Variants in CTNNA3 observed in about 807,000 individuals in gnomAD.
The protein encoded by CTNNA3 is catenin alpha-3.
CTNNA3 carries 76 observed loss-of-function variants against 95.7 expected under a neutral mutation model. The ratio of observed to expected loss-of-function variants is 0.79; its 90% CI spans 0.66 to 0.96. The LOEUF (loss-of-function observed/expected upper bound fraction) is 0.96, where lower values mean the gene tolerates loss of function less well. Among genes scored for constraint, CTNNA3 ranks in the 40% least tolerant of loss-of-function variants. CTNNA3 has a pLI of 0.00. For missense variants in CTNNA3, 1,191 were observed against 1,089.8 expected (o/e 1.09, Z -1.31); for synonymous variants, 431 against 374.4 (o/e 1.15, Z -1.74).
In CTNNA3 at chr10:67,649,185, A is replaced by T. The variant is rs536346777; in HGVS notation, c.-5-1667T>A. On this transcript the variant is annotated intron_variant, in intron 1 of 17. Transcript: ENST00000433211. ...ATTTCTGCCATTGCTTTGTTCTTTCATCTGAAGGACAAAAGTAGAGGAGAC... is the reference window on the plus strand; with the variant it reads ...ATTTCTGCCATTGCTTTGTTCTTTCTTCTGAAGGACAAAAGTAGAGGAGAC... 1.0e-3 allele frequency among the ~76,000 whole-genome samples: 155 copies of T among 152,336 alleles called. 2 individuals carry two copies. The highest frequency in any genetic ancestry group is 3.6e-3 in the African/African-American group (149 of 41,592).
chr10:67,143,163 G>A (rs1056390212), intron 7 of CTNNA3, among the ~76,000 whole-genome samples: 2 of 151,880 alleles, frequency 1.3e-5, no homozygotes, highest in Admixed American at 6.6e-5. Context: ...TGGGCCAGGC[G>A]CGGTGGCTCA....
intron 5 of CTNNA3, among the ~76,000 whole-genome samples, chr10:67,506,313 T>C (rs569592946): frequency 8.5e-4 from 129 of 152,304 alleles, no homozygotes; most frequent in African/African-American, 3.0e-3. Flanking sequence ...TGTATTTCAG[T>C]GTAAGTGTTT....
At chr10:65,969,620 A>T (rs566683564) in intron 16 of CTNNA3, among the ~76,000 whole-genome samples, 2 of 152,326 alleles carry the variant, frequency 1.3e-5, no homozygotes, top group East Asian at 3.9e-4. Flanking sequence ...TTTAATTTCA[A>T]AACACAACTG....
intron 13 of CTNNA3, among the ~76,000 whole-genome samples, chr10:66,177,631 A>G: frequency 6.6e-6 from 1 of 152,154 alleles, no homozygotes; most frequent in Non-Finnish European, 1.5e-5. Flanking sequence ...CTAATTACAA[A>G]CAGTAGCAGT....
At chr10:67,641,793 TG>T (rs1839543616) in intron 2 of CTNNA3, among the ~76,000 whole-genome samples, 1 of 151,892 alleles carries the variant, frequency 6.6e-6, no homozygotes, top group South Asian at 2.1e-4. Flanking sequence ...CACTCATAGG[TG>T]GGAATTGAAC....
intron 5 of CTNNA3, among the ~76,000 whole-genome samples, chr10:67,224,735 G>C (rs1864815048): frequency 6.6e-6 from 1 of 152,184 alleles, no homozygotes; most frequent in South Asian, 2.1e-4. Context: ...TCCCCAGTCA[G>C]GCCATTCCTG....
chr10:67,476,609 C>A (rs1848024750), intron 5 of CTNNA3, among the ~76,000 whole-genome samples: 2 of 151,962 alleles, frequency 1.3e-5, no homozygotes, highest in African/African-American at 4.8e-5. Flanking sequence ...GCTGCCCCAC[C>A]CTTCCTGCAA....
chr10:67,160,476 C>G (rs1467174230), intron 7 of CTNNA3, among the ~76,000 whole-genome samples: 1 of 142,432 alleles, frequency 7.0e-6, no homozygotes, highest in African/African-American at 2.6e-5. Flanking sequence ...CTTGCTCTGT[C>G]CCCCGGGCTG....
At position 67,125,484 on chromosome 10, in the gene CTNNA3, C is replaced by G. The variant is rs562303491; in HGVS notation, c.1047+54833G>C. 2.6e-5 allele frequency among the ~76,000 whole-genome samples: 4 copies of G among 152,162 alleles called. No individual in the cohort carries two copies. The South Asian group carries it at 8.3e-4, about 32-fold the overall frequency. On this transcript the variant is annotated intron_variant, in intron 7 of 17. Transcript: ENST00000433211. ...GTGCCCCTAAAGCCTAAAAGTGTAT[C>G]CTAGAATAAATTTATACCATTCCTC...
At chr10:67,381,949 T>A (rs1385420187) in intron 5 of CTNNA3, among the ~76,000 whole-genome samples, 1 of 152,188 alleles carries the variant, frequency 6.6e-6, no homozygotes, top group Admixed American at 6.5e-5. Context: ...TACTTACATG[T>A]ACATTGGAAG....
intron 11 of CTNNA3, among the ~76,000 whole-genome samples, chr10:66,402,244 A>AT (rs1458138105): frequency 6.6e-6 from 1 of 152,152 alleles, no homozygotes; most frequent in African/African-American, 2.4e-5. Flanking sequence ...AATTAGTTGC[A>AT]TTTTTTATTA....
intron 1 of CTNNA3, among the ~76,000 whole-genome samples, chr10:67,719,238 T>TA (rs966561349): frequency 6.6e-4 from 100 of 151,170 alleles, no homozygotes; most frequent in Admixed American, 1.7e-3. Context: ...TGTTAATCTT[T>TA]AAAAAAAAAC....
At chr10:67,557,807 T>C (rs1425715582) in intron 3 of CTNNA3, among the ~76,000 whole-genome samples, 1 of 152,204 alleles carries the variant, frequency 6.6e-6, no homozygotes, top group Non-Finnish European at 1.5e-5. Flanking sequence ...AATGCCACCA[T>C]AGCTCTATTT....
rs1387654842 is a variant in CTNNA3, at chr10:66,360,769, TTTTC to T, written c.1732+18379_1732+18382del. On this transcript the variant is annotated intron_variant, in intron 12 of 17. Coordinates refer to ENST00000433211, the MANE Select transcript of CTNNA3 (RefSeq NM_013266.4). The stretch of plus-strand genomic sequence containing the variant: ...CTTCCTTCCTTCCTTCCTTCCTTCC[TTTTC>T]TTTCTTTCTTTCTTCCTTCCTTCCT... Among the ~76,000 whole-genome samples the T allele has an allele frequency of 3.1e-4, 21 of 67,876 alleles. 3 individuals are homozygous for T. The highest frequency in any genetic ancestry group is 5.5e-4 in the Non-Finnish European group (19 of 34,798). 44.5% of individuals were successfully genotyped at this position (67,876 alleles called of 152,430 possible). A position where few individuals can be genotyped will look rare whatever the true frequency, so the allele number is the denominator to read the frequency against.
At chr10:67,253,923 G>A (rs1475323580) in intron 5 of CTNNA3, among the ~76,000 whole-genome samples, 1 of 152,078 alleles carries the variant, frequency 6.6e-6, no homozygotes, top group Non-Finnish European at 1.5e-5. Flanking sequence ...AGTATACCAG[G>A]AATGAACTAC....
intron 5 of CTNNA3, among the ~76,000 whole-genome samples, chr10:67,466,550 T>G (rs1847602243): frequency 6.6e-6 from 1 of 152,164 alleles, no homozygotes; most frequent in African/African-American, 2.4e-5. Flanking sequence ...CTAGGAAGAA[T>G]TTCAGTGTTG....
chr10:67,116,507 G>C (rs1344115769), intron 7 of CTNNA3, among the ~76,000 whole-genome samples: 2 of 151,716 alleles, frequency 1.3e-5, no homozygotes, highest in African/African-American at 2.4e-5. Context: ...TTGTAGAAGG[G>C]CCCTTCTCAT....
rs2076991658 is a variant in CTNNA3, at chr10:65,915,238, A to G, written c.*5092T>C. The G allele has an allele frequency of 1.3e-5, 2 of 152,172 alleles. No individual in the cohort carries two copies. Among genetic ancestry groups the G allele is most frequent in the Admixed American group, 1.3e-4 (2 of 15,276 alleles). The allele number at this position is 152,172 out of a possible 1,614,324, so 9.4% of individuals were successfully genotyped here. On this transcript the variant is annotated 3_prime_UTR_variant, in exon 18 of 18. Coordinates refer to ENST00000433211, the MANE Select transcript of CTNNA3 (RefSeq NM_013266.4). ...AGAATGGCTGAATTTCTGTTTCTCA[A>G]CTTGCAAACAATATTACTAAATCAT...
intron 7 of CTNNA3, among the ~76,000 whole-genome samples, chr10:67,142,659 C>G (rs920637645): frequency 6.6e-6 from 1 of 152,146 alleles, no homozygotes; most frequent in Non-Finnish European, 1.5e-5. Context: ...AAAGGCTGGG[C>G]GCAGTGGCTC....
Sources: allele counts gnomAD v4.1 joint callset (sites outside exome capture counted in the v4.1 genomes callset), GRCh38; gene constraint gnomAD v4.1.1; transcripts MANE v1.5; gene names NCBI Gene and HGNC (gene_info 2026-07-23, HGNC 2026-07-21).